The following ARHGAP6 variants were observed in gnomAD, a reference collection of about 807,000 sequenced individuals.
ARHGAP6 encodes the protein rho GTPase-activating protein 6.
Under a neutral mutation model 55.7 loss-of-function variants are expected in ARHGAP6, and 16 were observed. The observed-to-expected ratio is 0.29, with a 90% CI of 0.19 to 0.44. The LOEUF (loss-of-function observed/expected upper bound fraction) is 0.44, where lower values mean the gene tolerates loss of function less well. ARHGAP6 is among the 20% of genes least tolerant of loss of function. The probability of loss-of-function intolerance (pLI) is 1.00; values close to 1 mark genes in which losing one functional copy is unlikely to be tolerated. For synonymous variants in ARHGAP6, 382 were observed against 360.9 expected, an observed-to-expected ratio of 1.06 and a Z score of -0.66; for missense variants, 698 against 808.9, an observed-to-expected ratio of 0.86 and a Z score of 1.66.
In ARHGAP6 at chrX:11,362,561, C is replaced by T. The variant is rs963643942; in HGVS notation, c.589-107854G>A. Among the ~76,000 whole-genome samples the T allele has an allele frequency of 2.8e-5, 3 of 109,072 alleles. No homozygotes were observed. In the Admixed American group the frequency reaches 2.9e-4, roughly 11 times the overall value. The allele number at this position is 109,072 out of a possible 115,157, so 94.7% of individuals were successfully genotyped here. On this transcript the variant is annotated intron_variant, in intron 1 of 12. Coordinates refer to ENST00000337414, the MANE Select transcript of ARHGAP6 (RefSeq NM_013427.3). The stretch of plus-strand genomic sequence containing the variant: ...AGGAGATATACCTAATGCTAAATGA[C>T]GAGTTAATGGGTGCAGCACACCAGC...
At chrX:11,209,587 T>A (rs1356550751) in intron 2 of ARHGAP6, among the ~76,000 whole-genome samples, 3 of 112,800 alleles carry the variant, frequency 2.7e-5, no homozygotes, top group African/African-American at 9.7e-5. Context: ...TTATAATAAT[T>A]TTGTTTTATA....
rs57458847 is a variant in ARHGAP6, at chrX:11,565,954, A to T, written c.588+98287T>A. On this transcript the variant is annotated intron_variant, in intron 1 of 12. Transcript: ENST00000337414. ...AATTGTCAAGGAGGGACCTATTCAGAGCTGGCTATCAAACGCAATATTCTA... is the reference window on the plus strand; with the variant it reads ...AATTGTCAAGGAGGGACCTATTCAGTGCTGGCTATCAAACGCAATATTCTA... Among the ~76,000 whole-genome samples, 715 of 111,898 alleles carry T rather than the reference A, an allele frequency of 6.4e-3. 7 individuals are homozygous for T. The highest frequency in any genetic ancestry group is 0.022 in the African/African-American group (682 of 30,779).
rs185008546 is a variant in ARHGAP6, at chrX:11,244,261, G to A, written c.748+10287C>T. ...GAGAATAAATACTTTTGATCTTGTG[G>A]GCCATAAGGTCTCTGTCAAAACTAC... is the stretch of plus-strand genomic sequence containing the variant. On this transcript the variant is annotated intron_variant, in intron 2 of 12. Coordinates refer to ENST00000337414, the MANE Select transcript of ARHGAP6 (RefSeq NM_013427.3). Among the ~76,000 whole-genome samples, 90 of 111,594 alleles carry A rather than the reference G, an allele frequency of 8.1e-4. 2 individuals are homozygous for A. Among genetic ancestry groups the A allele is most frequent in the Non-Finnish European group, 1.0e-3 (54 of 53,023 alleles).
At chrX:11,162,332 T>TG (rs2045959724) in intron 9 of ARHGAP6, among the ~76,000 whole-genome samples, 1 of 55,881 alleles carries the variant, frequency 1.8e-5, no homozygotes, top group South Asian at 8.3e-4. Context: ...ACTGAAACTG[T>TG]GCCCCCCCCC....
intron 8 of ARHGAP6, among the ~76,000 whole-genome samples, chrX:11,177,021 G>T (rs1050875311): frequency 8.9e-6 from 1 of 112,310 alleles, no homozygotes. Flanking sequence ...AACTGAAGCT[G>T]CAGTGCAGCT....
At chrX:11,153,007 G>C (rs2045806738) in intron 10 of ARHGAP6, among the ~76,000 whole-genome samples, 1 of 111,698 alleles carries the variant, frequency 9.0e-6, no homozygotes, top group African/African-American at 3.3e-5. Context: ...CTATTGTTTG[G>C]CATTCTACCC....
chrX:11,436,598 T>C (rs2049989231), intron 1 of ARHGAP6, among the ~76,000 whole-genome samples: 2 of 112,091 alleles, frequency 1.8e-5, no homozygotes, highest in Admixed American at 1.9e-4. Flanking sequence ...ATGTTTATGG[T>C]AGAATTATTC....
chrX:11,521,502 G>C lies in ARHGAP6; in HGVS notation c.588+142739C>G, dbSNP rs189726811. On this transcript the variant is annotated intron_variant, in intron 1 of 12. Coordinates refer to ENST00000337414, the MANE Select transcript of ARHGAP6 (RefSeq NM_013427.3). ...GTATTATTTCTGAGGGCTCTGTTCT[G>C]TTCCATTGGTCTGTATCTCTGTTTT... 2.7e-5 allele frequency among the ~76,000 whole-genome samples: 3 copies of C among 111,715 alleles called. No individual in the cohort carries two copies. The East Asian group carries it at 8.5e-4, about 32-fold the overall frequency.
intron 1 of ARHGAP6, among the ~76,000 whole-genome samples, chrX:11,593,491 G>C (rs1468623415): frequency 8.9e-6 from 1 of 112,013 alleles, no homozygotes; most frequent in Non-Finnish European, 1.9e-5. Context: ...AAACTATTCT[G>C]TATGATACTA....
At chrX:11,614,461 G>A (rs1305492838) in intron 1 of ARHGAP6, among the ~76,000 whole-genome samples, 7 of 111,377 alleles carry the variant, frequency 6.3e-5, no homozygotes, top group African/African-American at 9.8e-5. Flanking sequence ...AGAACCAAGG[G>A]GGGAACTGCT....
At chrX:11,238,897 C>A (rs1251522256) in intron 2 of ARHGAP6, among the ~76,000 whole-genome samples, 1 of 111,731 alleles carries the variant, frequency 9.0e-6, no homozygotes, top group East Asian at 2.8e-4. Flanking sequence ...CTAAGCTATT[C>A]ACAGAAGCTG....
chrX:11,409,329 G>T (rs2049651972), intron 1 of ARHGAP6, among the ~76,000 whole-genome samples: 1 of 111,940 alleles, frequency 8.9e-6, no homozygotes. Context: ...GTGGGGGGTT[G>T]TCTCTGGCTT....
chrX:11,434,741 A>G (rs1442807493), intron 1 of ARHGAP6, among the ~76,000 whole-genome samples: 6 of 111,580 alleles, frequency 5.4e-5, no homozygotes, highest in Non-Finnish European at 7.5e-5. Context: ...ATTCGTTGTC[A>G]GGAGTGTAAT....
chrX:11,174,980 C>T (rs993857822), intron 8 of ARHGAP6, among the ~76,000 whole-genome samples: 5 of 110,829 alleles, frequency 4.5e-5, no homozygotes, highest in Admixed American at 9.6e-5. Flanking sequence ...CGTGAGCCAC[C>T]GCGCCTGGCC....
intron 1 of ARHGAP6, among the ~76,000 whole-genome samples, chrX:11,438,006 G>C (rs1210149112): frequency 1.8e-5 from 2 of 112,677 alleles, no homozygotes; most frequent in Non-Finnish European, 3.8e-5. Context: ...GTCTTGAACA[G>C]GGTAGAAGCT....
At chrX:11,608,135 A>T (rs1188409343) in intron 1 of ARHGAP6, among the ~76,000 whole-genome samples, 1 of 111,684 alleles carries the variant, frequency 9.0e-6, no homozygotes, top group Non-Finnish European at 1.9e-5. Flanking sequence ...ATTCACAGCT[A>T]CAACTCTAGA....
chrX:11,195,195 T>C (rs1441161470), intron 3 of ARHGAP6, among the ~76,000 whole-genome samples: 6 of 110,604 alleles, frequency 5.4e-5, no homozygotes, highest in Non-Finnish European at 9.5e-5. Context: ...CTACTAAGAA[T>C]ACAAAAATTA....
chrX:11,482,913 T>C (rs2050471714), intron 1 of ARHGAP6, among the ~76,000 whole-genome samples: 1 of 111,785 alleles, frequency 8.9e-6, no homozygotes, highest in Non-Finnish European at 1.9e-5. Context: ...GGAGTTGCAC[T>C]TAAGTTATCC....
At chrX:11,383,849 A>T (rs2147726778) in intron 1 of ARHGAP6, among the ~76,000 whole-genome samples, 1 of 111,607 alleles carries the variant, frequency 9.0e-6, no homozygotes, top group East Asian at 2.8e-4. Context: ...CTATAAAAGG[A>T]AATAGAGTTT....
Sources: allele counts gnomAD v4.1 joint callset (sites outside exome capture counted in the v4.1 genomes callset), GRCh38; gene constraint gnomAD v4.1.1; transcripts MANE v1.5; gene names NCBI Gene and HGNC (gene_info 2026-07-23, HGNC 2026-07-21).